The following CCDC178 variants were observed in gnomAD, a reference collection of about 807,000 sequenced individuals.
The protein encoded by CCDC178 is coiled-coil domain-containing protein 178.
A neutral mutation model predicts 117.4 loss-of-function variants in CCDC178; 126 were observed. The ratio of observed to expected loss-of-function variants is 1.07; its 90% CI spans 0.93 to 1.24. The LOEUF is 1.24. CCDC178 is among the 50% of genes most tolerant of loss of function. The pLI is 0.00. For synonymous variants in CCDC178, 283 were observed against 313.4 expected, an observed-to-expected ratio of 0.90 and a Z score of 1.02; for missense variants, 1,030 against 986.9, an observed-to-expected ratio of 1.04 and a Z score of -0.59.
chr18:33,112,184 T>G (rs1341696573), intron 20 of CCDC178, among the ~76,000 whole-genome samples: 2 of 151,808 alleles, frequency 1.3e-5, no homozygotes, highest in Non-Finnish European at 2.9e-5. Context: ...TAGTTTTTTA[T>G]ATAGTTTTAT....
chr18:33,416,224 G>A (rs983625734), intron 2 of CCDC178, among the ~76,000 whole-genome samples: 2 of 152,120 alleles, frequency 1.3e-5, no homozygotes, highest in Admixed American at 6.5e-5. Context: ...CCAGGAGTTC[G>A]AAACCATCCT....
At chr18:33,215,431 C>T (rs769053961) in intron 19 of CCDC178, 119 bp downstream of exon 19, 98 of 643,580 alleles carry the variant, frequency 1.5e-4, no homozygotes, top group Non-Finnish European at 2.1e-4. Flanking sequence ...ATATATTCCA[C>T]ACTACGTTAT....
chr18:33,005,124 G>A (rs1001628564), intron 21 of CCDC178, among the ~76,000 whole-genome samples: 2 of 152,026 alleles, frequency 1.3e-5, no homozygotes, highest in South Asian at 2.1e-4. Flanking sequence ...ATATATACCC[G>A]AAAGAAAGAA....
At position 33,006,843 on chromosome 18, in the gene CCDC178, T is replaced by C. The variant is rs141996880; in HGVS notation, c.2389-32162A>G. 8.2e-4 allele frequency among the ~76,000 whole-genome samples: 125 copies of C among 152,154 alleles called. 1 individual carries two copies. Among genetic ancestry groups the C allele is most frequent in the African/African-American group, 2.9e-3 (122 of 41,552 alleles). ...TCTCTAGAAGATGAGAGTTGTCCCT[T>C]ACTGACAGCCAGCAAGAAAAACTGA... On this transcript the variant is annotated intron_variant, in intron 21 of 22. Coordinates refer to ENST00000383096, the MANE Select transcript of CCDC178 (RefSeq NM_001105528.4).
At chr18:33,364,849 A>G (rs1200833142) in intron 6 of CCDC178, among the ~76,000 whole-genome samples, 1 of 151,780 alleles carries the variant, frequency 6.6e-6, no homozygotes, top group Non-Finnish European at 1.5e-5. Flanking sequence ...TTCAATTGAC[A>G]AACAATAATT....
intron 20 of CCDC178, among the ~76,000 whole-genome samples, chr18:33,113,683 T>C (rs1005400014): frequency 2.0e-5 from 3 of 152,060 alleles, no homozygotes; most frequent in African/African-American, 4.8e-5. Flanking sequence ...ACCTATTGTG[T>C]AGTTTTGCAA....
intron 5 of CCDC178, among the ~76,000 whole-genome samples, chr18:33,386,730 G>A (rs2063497532): frequency 6.6e-6 from 1 of 152,026 alleles, no homozygotes; most frequent in Admixed American, 6.6e-5. Context: ...AATAATAAGA[G>A]CCATTTATCA....
At chr18:33,343,018 C>T (rs570435950) in intron 9 of CCDC178, among the ~76,000 whole-genome samples, 36 of 152,282 alleles carry the variant, frequency 2.4e-4, no homozygotes, top group African/African-American at 8.4e-4. Context: ...GGGTGATTAG[C>T]TTTCACCCTT....
chr18:33,351,486 C>T (rs1826092830), intron 7 of CCDC178, among the ~76,000 whole-genome samples: 1 of 152,038 alleles, frequency 6.6e-6, no homozygotes, highest in African/African-American at 2.4e-5. Context: ...AGCCACTGTG[C>T]CCGGCCGTAT....
intron 14 of CCDC178, among the ~76,000 whole-genome samples, chr18:33,252,920 A>G (rs748687399): frequency 6.6e-5 from 10 of 151,810 alleles, no homozygotes; most frequent in Non-Finnish European, 1.3e-4. Context: ...GACTATATAG[A>G]AATTCATACC....
chr18:33,258,400 T>C (rs1717788286), intron 14 of CCDC178, among the ~76,000 whole-genome samples: 1 of 152,154 alleles, frequency 6.6e-6, no homozygotes, highest in Non-Finnish European at 1.5e-5. Context: ...CAGACGTGCT[T>C]GACTGACATG....
chr18:33,126,997 A>AATATATATAT (rs1555647860), intron 20 of CCDC178, among the ~76,000 whole-genome samples: 12 of 141,186 alleles, frequency 8.5e-5, no homozygotes, highest in African/African-American at 3.0e-4. Context: ...AAAAAAAAAA[A>AATATATATAT]ATATATATAT....
intron 20 of CCDC178, among the ~76,000 whole-genome samples, chr18:33,174,231 G>T (rs1024257968): frequency 6.6e-6 from 1 of 152,066 alleles, no homozygotes; most frequent in African/African-American, 2.4e-5. Context: ...ACTGACTGTC[G>T]CAAAGACAGC....
At chr18:33,084,147 C>T (rs1173759042) in intron 21 of CCDC178, among the ~76,000 whole-genome samples, 1 of 148,814 alleles carries the variant, frequency 6.7e-6, no homozygotes, top group Non-Finnish European at 1.5e-5. Context: ...GTTCTTGTAG[C>T]TTTATTGTTT....
intron 2 of CCDC178, among the ~76,000 whole-genome samples, chr18:33,416,313 G>C (rs753340928): frequency 4.3e-4 from 65 of 152,206 alleles, no homozygotes; most frequent in Non-Finnish European, 6.5e-4. Context: ...TATAGTCCCA[G>C]CTGCTCTGGA....
intron 3 of CCDC178, among the ~76,000 whole-genome samples, chr18:33,404,769 A>G (rs928893180): frequency 3.3e-5 from 5 of 152,146 alleles, no homozygotes; most frequent in Non-Finnish European, 7.4e-5. Flanking sequence ...GAATAATAGT[A>G]TTCAGTCATA....
intron 18 of CCDC178, 111 bp downstream of exon 18, chr18:33,222,995 C>T (rs908614702): frequency 3.7e-5 from 28 of 747,342 alleles, no homozygotes; most frequent in South Asian, 3.6e-4. Flanking sequence ...CGATTTAGTG[C>T]AATCAATAAG....
chr18:33,317,154 A>G (rs781558418), intron 11 of CCDC178, among the ~76,000 whole-genome samples: 4 of 152,042 alleles, frequency 2.6e-5, no homozygotes, highest in African/African-American at 9.7e-5. Flanking sequence ...CTTTGCAACA[A>G]ATCTTGCTAC....
chr18:33,064,950 T>G (rs1455969394), intron 21 of CCDC178, among the ~76,000 whole-genome samples: 3 of 151,316 alleles, frequency 2.0e-5, no homozygotes, highest in Non-Finnish European at 4.4e-5. Flanking sequence ...TGGATTGAAC[T>G]GGAGGACATC....
Sources: gnomAD v4.1 joint callset for allele counts (sites outside exome capture counted in the v4.1 genomes callset) on GRCh38, gnomAD v4.1.1 for gene constraint, MANE v1.5 for transcripts, NCBI Gene and HGNC (gene_info 2026-07-23, HGNC 2026-07-21) for gene names.